The following LDAF1 variants were observed in gnomAD, a reference collection of about 807,000 sequenced individuals.
LDAF1 encodes PROMETHIN.
In LDAF1, 7 loss-of-function variants were observed where a neutral mutation model predicts 13.5. The ratio of observed to expected loss-of-function variants is 0.52; its 90% CI spans 0.29 to 0.97. LDAF1 has a LOEUF of 0.97. LDAF1 is among the 50% of genes least tolerant of loss of function. The pLI, the probability that LDAF1 is intolerant of heterozygous loss-of-function variation, is 0.07. For missense variants in LDAF1, 148 were observed against 193.2 expected, an observed-to-expected ratio of 0.77 and a Z score of 1.39; for synonymous variants, 69 against 77.1, an observed-to-expected ratio of 0.89 and a Z score of 0.55.
rs958027493 is a variant in LDAF1 at position 21,179,390 on chromosome 16, A to G, written c.405-85A>G. 1.3e-5 allele frequency: 21 copies of G among 1,609,996 alleles called. No individual in the cohort carries two copies. In the Admixed American group the frequency reaches 2.2e-4, roughly 17 times the overall value. On this transcript the variant is annotated intron_variant, in intron 4 of 4. Transcript: ENST00000233047. ...AAGCAGCTAAAAATCAGGAAAAAGAACATCATGTATTCAGCTATGCACACT... is the reference window on the plus strand; with the variant it reads ...AAGCAGCTAAAAATCAGGAAAAAGAGCATCATGTATTCAGCTATGCACACT...
At chr16:21,168,270 C>G (rs1159224828) in intron 2 of LDAF1, among the ~76,000 whole-genome samples, 4 of 151,582 alleles carry the variant, frequency 2.6e-5, no homozygotes, top group Non-Finnish European at 5.9e-5. Flanking sequence ...CTGCCTCCAC[C>G]TCCCAAAGTG....
At chr16:21,169,868 T>G (rs2093068721) in intron 2 of LDAF1, among the ~76,000 whole-genome samples, 1 of 151,864 alleles carries the variant, frequency 6.6e-6, no homozygotes, top group African/African-American at 2.4e-5. Flanking sequence ...CTGCCTAAGA[T>G]AGCTGCCTGG....
chr16:21,166,813 G>T (rs750774804), intron 2 of LDAF1: 1 of 1,534,104 alleles, frequency 6.5e-7, no homozygotes, highest in Non-Finnish European at 8.7e-7. Flanking sequence ...GACTCCCACG[G>T]CTCCTCCGCC....
rs11866389 is a variant in LDAF1, at chr16:21,158,902, G to A, written c.-99+156G>A. ...TTTCTGCCCCGGGGTTAGTGTAAGG[G>A]GCGTCTCCTGCTTATGAGTCGCCGG... On this transcript the variant is annotated intron_variant, in intron 1 of 4. Coordinates refer to ENST00000233047, the MANE Select transcript of LDAF1 (RefSeq NM_001301771.2). 3.4e-3 allele frequency among the ~76,000 whole-genome samples: 512 copies of A among 152,098 alleles called. 2 individuals carry two copies. The highest frequency in any genetic ancestry group is 0.011 in the African/African-American group (460 of 41,502).
intron 2 of LDAF1, among the ~76,000 whole-genome samples, chr16:21,164,864 C>T (rs933502954): frequency 6.6e-6 from 1 of 152,124 alleles, no homozygotes; most frequent in Non-Finnish European, 1.5e-5. Context: ...CTACGTTCTA[C>T]CCCCCTGAGT....
intron 2 of LDAF1, among the ~76,000 whole-genome samples, chr16:21,165,149 T>C (rs1033342299): frequency 6.6e-6 from 1 of 152,222 alleles, no homozygotes; most frequent in East Asian, 1.9e-4. Context: ...TCTTTGATTA[T>C]AGAGCCCAGA....
intron 3 of LDAF1, among the ~76,000 whole-genome samples, chr16:21,171,444 G>A (rs2093087783): frequency 6.6e-6 from 1 of 152,190 alleles, no homozygotes; most frequent in African/African-American, 2.4e-5. Context: ...GGCATGGTCA[G>A]TGGATGAGCC....
chr16:21,167,378 C>T (rs867827039), intron 2 of LDAF1, among the ~76,000 whole-genome samples: 6 of 152,338 alleles, frequency 3.9e-5, no homozygotes, highest in South Asian at 2.1e-4. Context: ...ATAATGGTTC[C>T]TTTCAAGTGA....
At chr16:21,178,440 C>A (rs1461095959) in intron 4 of LDAF1, 9 of 964,236 alleles carry the variant, frequency 9.3e-6, no homozygotes, top group African/African-American at 5.3e-5. Flanking sequence ...ATGAAAAAAA[C>A]CAAAGTAGAT....
intron 3 of LDAF1, chr16:21,172,636 G>C (rs1365832933): frequency 6.5e-6 from 1 of 153,804 alleles, no homozygotes; most frequent in Non-Finnish European, 1.4e-5. Flanking sequence ...CTTAAAAAAA[G>C]AAAAAAGAGA....
At chr16:21,179,123 G>A (rs766904872) in intron 4 of LDAF1, among the ~76,000 whole-genome samples, 4 of 152,146 alleles carry the variant, frequency 2.6e-5, no homozygotes, top group Non-Finnish European at 4.4e-5. Flanking sequence ...TCTTGAACGG[G>A]CTGCTTGACT....
chr16:21,179,404 G>A, intron 4 of LDAF1, 71 bp from the exon 5 acceptor site: 1 of 1,612,258 alleles, frequency 6.2e-7, no homozygotes, highest in Non-Finnish European at 8.5e-7. Flanking sequence ...CATGTATTCA[G>A]CTATGCACAC....
chr16:21,177,883 G>A (rs1245282910), intron 4 of LDAF1, among the ~76,000 whole-genome samples: 1 of 152,052 alleles, frequency 6.6e-6, no homozygotes, highest in African/African-American at 2.4e-5. Flanking sequence ...CTCCCAAGAT[G>A]CTGGGATTAT....
At chr16:21,177,407 A>C (rs1464513189) in intron 4 of LDAF1, 1 of 152,134 alleles carries the variant, frequency 6.6e-6, no homozygotes, top group African/African-American at 2.4e-5. Context: ...GGTCTGTGTC[A>C]CACTTTAAAT....
At chr16:21,161,876 G>T (rs893272685) in intron 2 of LDAF1, among the ~76,000 whole-genome samples, 2 of 152,130 alleles carry the variant, frequency 1.3e-5, no homozygotes, top group Non-Finnish European at 2.9e-5. Flanking sequence ...AATTAATTTT[G>T]GCTGGGCATA....
At chr16:21,160,080 C>A in intron 1 of LDAF1, 2 of 507,916 alleles carry the variant, frequency 3.9e-6, no homozygotes, top group Non-Finnish European at 5.1e-6. Context: ...CCCTGTACAG[C>A]TTAGTAGTAG....
In LDAF1 at chr16:21,161,281, C is replaced by G. The variant is rs888146462; in HGVS notation, c.96+3C>G. ...ACTCCTTCCAGAATAACTCAAAGGT[C>G]AGTTTCCAATCACTATGTATAATGG... On this transcript the variant is annotated splice_donor_region_variant and intron_variant, in intron 2 of 4. Transcript: ENST00000233047. 1.2e-6 allele frequency: 2 copies of G among 1,613,796 alleles called. No individual in the cohort carries two copies. Among genetic ancestry groups the G allele is most frequent in the African/African-American group, 2.7e-5 (2 of 74,920 alleles).
chr16:21,160,704 T>A lies in LDAF1; in HGVS notation c.-98-381T>A, dbSNP rs551814102. ...CTATTAACATTTTATCATCTTTTTT[T>A]AAAAGTATCATACACATCTTTTCAC... On this transcript the variant is annotated intron_variant, in intron 1 of 4. Transcript: ENST00000233047. Among the ~76,000 whole-genome samples, 21 of 152,346 alleles carry A rather than the reference T, an allele frequency of 1.4e-4. No homozygotes were observed. In the South Asian group the frequency reaches 3.3e-3, roughly 24 times the overall value.
At chr16:21,168,600 A>G in intron 2 of LDAF1, among the ~76,000 whole-genome samples, 1 of 143,170 alleles carries the variant, frequency 7.0e-6, no homozygotes. Flanking sequence ...ATATATAATA[A>G]TGCTATATGA....
Sources: gnomAD v4.1 joint callset for allele counts (sites outside exome capture counted in the v4.1 genomes callset) on GRCh38, gnomAD v4.1.1 for gene constraint, MANE v1.5 for transcripts, NCBI Gene and HGNC (gene_info 2026-07-23, HGNC 2026-07-21) for gene names.